Variants in MNT observed in about 807,000 individuals in gnomAD.
MNT encodes max-binding protein MNT.
Under a neutral mutation model 40.7 loss-of-function variants are expected in MNT, and 13 were observed. The ratio of observed to expected loss-of-function variants is 0.32; its 90% confidence interval spans 0.21 to 0.51. MNT has a LOEUF of 0.51. Ranked by LOEUF, MNT falls within the 20% of genes least tolerant of loss-of-function variation. MNT has a pLI of 0.98. For missense variants in MNT, 757 were observed against 792.0 expected (o/e 0.96, Z 0.53); for synonymous variants, 426 against 354.8 (o/e 1.20, Z -2.26).
chr17:2,384,601 T>TGC lies in MNT; in HGVS notation c.*2299_*2300insGC, dbSNP rs1045835617. 5 of 143,716 alleles carry TGC rather than the reference T, an allele frequency of 3.5e-5. No individual in the cohort carries two copies. The highest frequency in any genetic ancestry group is 7.8e-5 in the Non-Finnish European group (5 of 64,192). The allele number at this position is 143,716 out of a possible 1,614,324, so 8.9% of individuals were successfully genotyped here. A position where few individuals can be genotyped will look rare whatever the true frequency, so the allele number is the denominator to read the frequency against. On this transcript the variant is annotated 3_prime_UTR_variant, in exon 6 of 6. Transcript: ENST00000174618. The stretch of plus-strand genomic sequence containing the variant: ...TAAGATGTGTGCGTGTGCGTGCGTG[T>TGC]GTGTGTGTGTGTGTGTGTGTGTGTG...
intron 3 of MNT, 33 bp downstream of exon 3, chr17:2,394,272 C>T (rs1336817733): frequency 3.2e-6 from 5 of 1,572,558 alleles, no homozygotes; most frequent in Admixed American, 1.8e-5. Flanking sequence ...CGCGCACGCA[C>T]GCACGCACAC....
chr17:2,394,175 C>T (rs758035723), intron 3 of MNT, 21 bp from the exon 4 acceptor site: 11 of 1,536,836 alleles, frequency 7.2e-6, no homozygotes, highest in South Asian at 1.1e-5. Context: ...GGGCGAGCGC[C>T]GGTCAGCGGT....
At chr17:2,399,368 C>T (rs1389217184) in intron 1 of MNT, among the ~76,000 whole-genome samples, 2 of 152,222 alleles carry the variant, frequency 1.3e-5, no homozygotes, top group Non-Finnish European at 2.9e-5. Flanking sequence ...GAAGTTTGCC[C>T]TTTCTCATCC....
At position 2,384,200 on chromosome 17, in the gene MNT, T is replaced by C. The variant is rs1380639296; in HGVS notation, c.*2701A>G. On this transcript the variant is annotated 3_prime_UTR_variant, in exon 6 of 6. Transcript: ENST00000174618. ...GAACAGCCACTAGAATACAGTTCAA[T>C]AGTAAAAATACAGTATGTACAAAAT... The C allele has an allele frequency of 3.3e-5, 5 of 152,544 alleles. No homozygotes were observed. Among genetic ancestry groups the C allele is most frequent in the Non-Finnish European group, 1.5e-5 (1 of 68,032 alleles). 9.4% of individuals were successfully genotyped at this position (152,544 alleles called of 1,614,324 possible). A position where few individuals can be genotyped will look rare whatever the true frequency, so the allele number is the denominator to read the frequency against.
chr17:2,394,807 G>A, intron 2 of MNT, 68 bp downstream of exon 2: 2 of 1,205,062 alleles, frequency 1.7e-6, no homozygotes, highest in Non-Finnish European at 2.4e-6. Context: ...ACCTTGTCTT[G>A]CACACAGCCC....
rs769757715 is a variant in MNT at position 2,387,248 on chromosome 17, C to T, written c.1402G>A (p.Ala468Thr). The T allele has an allele frequency of 5.6e-6, 9 of 1,612,426 alleles. No individual in the cohort carries two copies. Among genetic ancestry groups the T allele is most frequent in the Admixed American group, 1.7e-5 (1 of 59,850 alleles). Residue 468 changes from alanine (A) to threonine (T), a missense_variant, in exon 6 of 6, where the codon GCC becomes ACC. Physicochemically the swap from Ala to Thr is moderately conservative, Grantham distance 58. Around this residue, in one of 4 missense-constraint regions of MNT, gnomAD observed 345 missense variants for 380.1 expected, o/e 0.91. Coordinates refer to ENST00000174618, the MANE Select transcript of MNT (RefSeq NM_020310.3). ...CTGGGGGCCGAGGGGGCGATGTGGG[C>T]GATGTGCTTGCCGCCTGGCCCCTGC... ...VLQGPGGKHI[A>T]HIAPSAPSPA...
chr17:2,394,480 C>A, intron 2 of MNT, 134 bp from the exon 3 acceptor site: 1 of 1,341,612 alleles, frequency 7.5e-7, no homozygotes, highest in East Asian at 2.3e-5. Flanking sequence ...GGGAGACGTT[C>A]GCCCTGTGCC....
rs2066448023 is a variant in MNT at position 2,385,220 on chromosome 17, G to C, written c.*1681C>G. ...GAGGGAACAGGAAGGGAATTTTTAGGCATCTAAGGATTCTTTATTTCCAGA... is the reference window on the plus strand; with the variant it reads ...GAGGGAACAGGAAGGGAATTTTTAGCCATCTAAGGATTCTTTATTTCCAGA... On this transcript the variant is annotated 3_prime_UTR_variant, in exon 6 of 6. Coordinates refer to ENST00000174618, the MANE Select transcript of MNT (RefSeq NM_020310.3). 1 of 152,294 alleles carries C rather than the reference G, an allele frequency of 6.6e-6. No individual in the cohort carries two copies. The highest frequency in any genetic ancestry group is 1.9e-4 in the East Asian group (1 of 5,202). The allele number at this position is 152,294 out of a possible 1,614,324, so 9.4% of individuals were successfully genotyped here.
At chr17:2,389,267 T>TC (rs1181377504) in intron 4 of MNT, 1 of 149,832 alleles carries the variant, frequency 6.7e-6, no homozygotes, top group Non-Finnish European at 1.5e-5. Flanking sequence ...CTCCCTCAAT[T>TC]TTTTTTTTTT....
Position 2,399,261 on chromosome 17 carries a change from T to G in MNT, c.73+1379A>C, listed in dbSNP as rs561564709. On this transcript the variant is annotated intron_variant, in intron 1 of 5. Coordinates refer to ENST00000174618, the MANE Select transcript of MNT (RefSeq NM_020310.3). ...GCAGCACCCTGGAAAAGGGAGGTCT[T>G]TCCCGCCAGCCCCTCTGCAGCACCC... Among the ~76,000 whole-genome samples, 6 of 151,860 alleles carry G rather than the reference T, an allele frequency of 4.0e-5. No individual in the cohort carries two copies. The East Asian group carries it at 1.2e-3, about 30-fold the overall frequency.
Position 2,387,186 on chromosome 17 carries a change from A to C in MNT, c.1464T>G (p.Ile488Met). The change falls in exon 6 of 6, where the codon ATT becomes ATG. Residue 488 changes from isoleucine to methionine, a missense_variant. Physicochemically the swap from Ile to Met is conservative, Grantham distance 10. Coordinates refer to ENST00000174618, the MANE Select transcript of MNT (RefSeq NM_020310.3). ...TGGCAGGGTGCACAGTGATGTGCCC[A>C]ATGGGGGGTGTGGCAGGCGCCAGTT... Reference protein sequence around the residue: ...AVQLAPATPPIGHITVHPATL... With the variant: ...AVQLAPATPPMGHITVHPATL... 6.2e-7 allele frequency: 1 copy of C among 1,607,566 alleles called. No homozygotes were observed. Among genetic ancestry groups the C allele is most frequent in the Non-Finnish European group, 8.5e-7 (1 of 1,177,770 alleles).
chr17:2,395,762 G>A (rs1322112939), intron 1 of MNT, among the ~76,000 whole-genome samples: 2 of 152,204 alleles, frequency 1.3e-5, no homozygotes, highest in East Asian at 3.9e-4. Context: ...GAGCAGAGCT[G>A]TCAGAGGGTG....
chr17:2,384,610 G>GTGTGTT lies in MNT; in HGVS notation c.*2290_*2291insAACACA, dbSNP rs1567862326. On this transcript the variant is annotated 3_prime_UTR_variant, in exon 6 of 6. Transcript: ENST00000174618. ...TGCGTGTGCGTGCGTGTGTGTGTGT[G>GTGTGTT]TGTGTGTGTGTGTGTGTCCCAGGCT... The GTGTGTT allele has an allele frequency of 6.5e-6, 1 of 153,430 alleles. No homozygotes were observed. The highest frequency in any genetic ancestry group is 1.4e-5 in the Non-Finnish European group (1 of 69,006). 9.5% of individuals were successfully genotyped at this position (153,430 alleles called of 1,614,324 possible). A position where few individuals can be genotyped will look rare whatever the true frequency, so the allele number is the denominator to read the frequency against.
rs745747462 is a variant in MNT at position 2,387,540 on chromosome 17, G to T, written c.1110C>A (p.Pro370=). ...GCAGAGGCGCAGGGGTGGTGCTGGG[G>T]GGTGGCAGGGTGGACTTCAGCAGCT... is the stretch of plus-strand genomic sequence containing the variant. The part of the protein sequence containing the change: ...QPELLKSTLP[P]PSTTPAPLPP... The change falls in exon 6 of 6, where the codon CCC becomes CCA. Residue 370 remains proline, a synonymous_variant. Transcript: ENST00000174618. The T allele has an allele frequency of 1.9e-6, 3 of 1,613,862 alleles. No individual in the cohort carries two copies. The highest frequency in any genetic ancestry group is 3.3e-5 in the Admixed American group (2 of 60,014).
At chr17:2,392,563 A>G (rs557182689) in intron 4 of MNT, 2 of 152,374 alleles carry the variant, frequency 1.3e-5, no homozygotes, top group African/African-American at 4.8e-5. Flanking sequence ...GAACACCCTC[A>G]GCCAGCCCTG....
chr17:2,390,280 C>T (rs766750856), intron 4 of MNT: 6 of 152,336 alleles, frequency 3.9e-5, no homozygotes, highest in African/African-American at 4.8e-5. Context: ...TGTCTCTTCC[C>T]TGCATCGCAG....
At chr17:2,399,394 T>A (rs1383141996) in intron 1 of MNT, among the ~76,000 whole-genome samples, 3 of 152,158 alleles carry the variant, frequency 2.0e-5, no homozygotes, top group African/African-American at 4.8e-5. Flanking sequence ...CATTCCAGCG[T>A]GGCCCCGGCT....
chr17:2,395,460 C>G lies in MNT; in HGVS notation c.74-6G>C, dbSNP rs372083393. 6.2e-7 allele frequency: 1 copy of G among 1,610,898 alleles called. No individual in the cohort carries two copies. Among genetic ancestry groups the G allele is most frequent in the South Asian group, 1.1e-5 (1 of 91,062 alleles). On this transcript the variant is annotated splice_polypyrimidine_tract_variant and splice_region_variant and intron_variant, in intron 1 of 5. Transcript: ENST00000174618. ...GCGAAGCCGCTCCTGCTCCTCTACACAGAGAGAACACAAGGGGGGGAGGGT... is the reference window on the plus strand; with the variant it reads ...GCGAAGCCGCTCCTGCTCCTCTACAGAGAGAGAACACAAGGGGGGGAGGGT...
At chr17:2,393,391 A>C (rs906254828) in intron 4 of MNT, among the ~76,000 whole-genome samples, 5 of 151,618 alleles carry the variant, frequency 3.3e-5, no homozygotes, top group Non-Finnish European at 7.4e-5. Flanking sequence ...AAAAAGAGAC[A>C]CCCCCTCTTC....
Sources: gnomAD v4.1 joint callset for allele counts (sites outside exome capture counted in the v4.1 genomes callset) on GRCh38, gnomAD v4.1.1 for gene constraint, gnomAD v4.1.1 regional missense constraint, MANE v1.5 for transcripts, NCBI Gene and HGNC (gene_info 2026-07-23, HGNC 2026-07-21) for gene names.